CDH19: variants seen among roughly 807,000 people sequenced by gnomAD.
The protein encoded by CDH19 is cadherin-19.
Under a neutral mutation model 64.2 loss-of-function variants are expected in CDH19, and 67 were observed. That is an observed-to-expected ratio of 1.04 (90% CI 0.86 to 1.28). The LOEUF is 1.28. Ranked by LOEUF, CDH19 falls within the 50% of genes most tolerant of loss-of-function variation. CDH19 has a pLI of 0.00. For missense variants in CDH19, 1,030 were observed against 929.0 expected (o/e 1.11, Z -1.41); for synonymous variants, 346 against 319.3 (o/e 1.08, Z -0.89).
intron 1 of CDH19, among the ~76,000 whole-genome samples, chr18:66,573,708 T>G (rs1443323335): frequency 7.3e-5 from 11 of 151,604 alleles, no homozygotes; most frequent in Non-Finnish European, 1.5e-4. Context: ...ATATAATTTT[T>G]GGGAACTTTA....
chr18:66,544,760 T>C lies in CDH19; in HGVS notation c.919A>G (p.Thr307Ala), dbSNP rs747918810. The C allele has an allele frequency of 2.9e-5, 46 of 1,611,496 alleles. No individual in the cohort carries two copies. The East Asian group carries it at 1.0e-3, about 35-fold the overall frequency. ...ATTCCTTCTTGAGTTTCATGATTAG[T>C]AATAATGTCAAATGTTTGCGAATCA... ...EDDSQTFDII[T>A]NHETQEGIVI... is the part of the protein sequence containing the mutation. Residue 307 changes from threonine (T) to alanine (A), a missense_variant, in exon 6 of 12, where the codon ACT (threonine) becomes GCT (alanine). Coordinates refer to ENST00000262150, the MANE Select transcript of CDH19 (RefSeq NM_021153.4).
rs558270640 is a variant in CDH19 at position 66,518,160 on chromosome 18, C to T, written c.1459-6475G>A. 1.6e-3 allele frequency among the ~76,000 whole-genome samples: 243 copies of T among 151,926 alleles called. 2 individuals carry two copies. The highest frequency in any genetic ancestry group is 5.4e-3 in the African/African-American group (224 of 41,450). ...ACTATAATATTTTATCATTATTATA[C>T]GTATTATGTGTGCCTTTTGAAGTCT... is the stretch of plus-strand genomic sequence containing the variant. On this transcript the variant is annotated intron_variant, in intron 9 of 11. Coordinates refer to ENST00000262150, the MANE Select transcript of CDH19 (RefSeq NM_021153.4).
chr18:66,592,996 T>C (rs1988786501), intron 1 of CDH19, among the ~76,000 whole-genome samples: 1 of 151,916 alleles, frequency 6.6e-6, no homozygotes, highest in African/African-American at 2.4e-5. Flanking sequence ...TTTTACATAA[T>C]GGCTGTACTA....
At chr18:66,577,001 A>C (rs1401673926) in intron 1 of CDH19, among the ~76,000 whole-genome samples, 1 of 151,632 alleles carries the variant, frequency 6.6e-6, no homozygotes, top group East Asian at 1.9e-4. Context: ...ACATAAATCT[A>C]ACAAAAATGT....
At chr18:66,578,284 CAG>C (rs1426621388) in intron 1 of CDH19, among the ~76,000 whole-genome samples, 6 of 151,790 alleles carry the variant, frequency 4.0e-5, no homozygotes, top group Non-Finnish European at 5.9e-5. Context: ...AACTTGGAAA[CAG>C]AGATTCATCA....
At chr18:66,581,754 G>A (rs1395841060) in intron 1 of CDH19, among the ~76,000 whole-genome samples, 10 of 152,038 alleles carry the variant, frequency 6.6e-5, no homozygotes. Context: ...CTCGGATTGA[G>A]CGACTACTGG....
At chr18:66,567,741 T>C (rs1047371795) in intron 3 of CDH19, among the ~76,000 whole-genome samples, 3 of 151,760 alleles carry the variant, frequency 2.0e-5, no homozygotes. Flanking sequence ...TTCCAGTATA[T>C]TGTGCTACAA....
intron 9 of CDH19, among the ~76,000 whole-genome samples, chr18:66,526,708 T>G (rs1427460854): frequency 6.6e-6 from 1 of 152,076 alleles, no homozygotes; most frequent in Admixed American, 6.5e-5. Flanking sequence ...AAAGAATTAT[T>G]TCATCATTGT....
rs888973014 is a variant in CDH19 at position 66,504,316 on chromosome 18, T to C, written c.*496A>G. On this transcript the variant is annotated 3_prime_UTR_variant, in exon 12 of 12. Transcript: ENST00000262150. ...CTTTTTTTTTTTTTTTTTTTTTAAA[T>C]AAAGGAAACAATACTTCATGGAATA... is the stretch of plus-strand genomic sequence containing the variant. The C allele has an allele frequency of 1.6e-5, 2 of 125,490 alleles. No individual in the cohort carries two copies. The highest frequency in any genetic ancestry group is 6.0e-5 in the African/African-American group (2 of 33,274). 7.8% of individuals were successfully genotyped at this position (125,490 alleles called of 1,614,324 possible).
chr18:66,514,847 C>T (rs1433538842), intron 9 of CDH19, among the ~76,000 whole-genome samples: 1 of 151,542 alleles, frequency 6.6e-6, no homozygotes, highest in African/African-American at 2.4e-5. Context: ...AGAGATGGTT[C>T]TTATTAAACA....
intron 11 of CDH19, among the ~76,000 whole-genome samples, chr18:66,507,153 A>C (rs963997288): frequency 6.6e-6 from 1 of 151,940 alleles, no homozygotes; most frequent in Non-Finnish European, 1.5e-5. Flanking sequence ...TTAGTCCCCC[A>C]AAATTATGCT....
chr18:66,557,197 C>A (rs1987550547), intron 3 of CDH19, among the ~76,000 whole-genome samples: 1 of 151,970 alleles, frequency 6.6e-6, no homozygotes, highest in African/African-American at 2.4e-5. Flanking sequence ...TATCTGATAC[C>A]AGTGTGTACT....
chr18:66,526,373 T>C (rs1291515726), intron 9 of CDH19, among the ~76,000 whole-genome samples: 3 of 152,148 alleles, frequency 2.0e-5, no homozygotes, highest in Non-Finnish European at 2.9e-5. Context: ...CCAATAGATA[T>C]TTCTCTCCTC....
At chr18:66,587,592 C>T (rs1468541391) in intron 1 of CDH19, among the ~76,000 whole-genome samples, 1 of 152,078 alleles carries the variant, frequency 6.6e-6, no homozygotes, top group Non-Finnish European at 1.5e-5. Flanking sequence ...GTTTTACTAA[C>T]AAGATATGAG....
intron 1 of CDH19, among the ~76,000 whole-genome samples, chr18:66,573,394 T>G (rs1166787797): frequency 1.3e-5 from 2 of 151,574 alleles, no homozygotes; most frequent in Non-Finnish European, 3.0e-5. Flanking sequence ...AACACCTAAT[T>G]AAGAAAGTAC....
At chr18:66,548,916 G>A (rs554985903) in intron 5 of CDH19, among the ~76,000 whole-genome samples, 1 of 152,274 alleles carries the variant, frequency 6.6e-6, no homozygotes, top group African/African-American at 2.4e-5. Context: ...TGATAGATAT[G>A]AACCAGCAGA....
At chr18:66,579,885 G>A (rs186233155) in intron 1 of CDH19, among the ~76,000 whole-genome samples, 7 of 151,880 alleles carry the variant, frequency 4.6e-5, no homozygotes, top group Admixed American at 3.3e-4. Flanking sequence ...ATTTTTAGTC[G>A]TGTATACTTG....
chr18:66,537,577 T>G (rs1466806871), intron 7 of CDH19, among the ~76,000 whole-genome samples: 1 of 152,052 alleles, frequency 6.6e-6, no homozygotes, highest in Non-Finnish European at 1.5e-5. Context: ...TTTTAAAATG[T>G]TCTGGTTTCT....
intron 1 of CDH19, among the ~76,000 whole-genome samples, chr18:66,586,008 A>G (rs980428426): frequency 1.3e-5 from 2 of 152,090 alleles, no homozygotes; most frequent in African/African-American, 2.4e-5. Context: ...TTTGAAACTG[A>G]ATCTAATTAG....
Sources: gnomAD v4.1 joint callset for allele counts (sites outside exome capture counted in the v4.1 genomes callset) on GRCh38, gnomAD v4.1.1 for gene constraint, MANE v1.5 for transcripts, NCBI Gene and HGNC (gene_info 2026-07-23, HGNC 2026-07-21) for gene names.